Variants in COLGALT2 observed in about 807,000 individuals in gnomAD.
COLGALT2 encodes collagen beta(1-O)galactosyltransferase 2.
Under a neutral mutation model 73.4 loss-of-function variants are expected in COLGALT2, and 49 were observed. The observed-to-expected ratio is 0.67, with a 90% CI of 0.53 to 0.85. The LOEUF is 0.85. COLGALT2 is among the 40% of genes least tolerant of loss of function. The pLI is 0.00. For missense variants in COLGALT2, 722 were observed against 790.2 expected (o/e 0.91, Z 1.03); for synonymous variants, 295 against 307.6 (o/e 0.96, Z 0.43).
rs1472893477 is a variant in COLGALT2 at position 184,037,643 on chromosome 1, T to C, written c.-286A>G. 1 of 1,042,952 alleles carries C rather than the reference T, an allele frequency of 9.6e-7. No individual in the cohort carries two copies. The highest frequency in any genetic ancestry group is 1.2e-6 in the Non-Finnish European group (1 of 868,040). 64.6% of individuals were successfully genotyped at this position (1,042,952 alleles called of 1,614,324 possible). Reference sequence around the variant, plus strand: ...AGACAGTAGTGGCCGAGGGGCTGTGTGCCCTGAGTCCTGAGGAAAGTTCCT... The same window carrying C: ...AGACAGTAGTGGCCGAGGGGCTGTGCGCCCTGAGTCCTGAGGAAAGTTCCT... On this transcript the variant is annotated 5_prime_UTR_variant, in exon 1 of 12. Coordinates refer to ENST00000361927, the MANE Select transcript of COLGALT2 (RefSeq NM_015101.4).
At chr1:183,978,574 G>A (rs1029133292) in intron 1 of COLGALT2, 54 bp from the exon 2 acceptor site, 7 of 1,160,874 alleles carry the variant, frequency 6.0e-6, no homozygotes, top group Admixed American at 5.7e-5. Flanking sequence ...TGAAAGAGAG[G>A]GAAATCCAAA....
At chr1:183,944,725 G>A (rs1670205056) in intron 9 of COLGALT2, among the ~76,000 whole-genome samples, 1 of 152,170 alleles carries the variant, frequency 6.6e-6, no homozygotes, top group Non-Finnish European at 1.5e-5. Flanking sequence ...CCTGCTTCTG[G>A]ATCTGTGTAC....
chr1:183,937,402 CTCTGCATTT>C lies in COLGALT2; in HGVS notation c.*1350_*1358del. 1.0e-6 allele frequency: 1 copy of C among 991,794 alleles called. No homozygotes were observed. The highest frequency in any genetic ancestry group is 1.1e-4 in the East Asian group (1 of 9,200). The allele number at this position is 991,794 out of a possible 1,614,324, so 61.4% of individuals were successfully genotyped here. A position where few individuals can be genotyped will look rare whatever the true frequency, so the allele number is the denominator to read the frequency against. On this transcript the variant is annotated 3_prime_UTR_variant, in exon 12 of 12. Transcript: ENST00000361927. ...AGTGGGAAGAAATCGTGTAGTCCAA[CTCTGCATTT>C]TACATAAAATCAATCTGTGAAGAAA...
intron 6 of COLGALT2, among the ~76,000 whole-genome samples, chr1:183,959,139 G>A (rs776884484): frequency 2.6e-5 from 4 of 152,164 alleles, no homozygotes; most frequent in African/African-American, 4.8e-5. Context: ...TCTTGGCTCC[G>A]TCTTGAAACA....
At chr1:184,005,568 C>T (rs1007331460) in intron 1 of COLGALT2, among the ~76,000 whole-genome samples, 3 of 152,184 alleles carry the variant, frequency 2.0e-5, no homozygotes, top group African/African-American at 7.2e-5. Context: ...CACCTATGCC[C>T]TTCCTGCCTG....
intron 1 of COLGALT2, among the ~76,000 whole-genome samples, chr1:184,015,436 A>G (rs1050120974): frequency 6.6e-6 from 1 of 152,138 alleles, no homozygotes; most frequent in Admixed American, 6.5e-5. Context: ...TTCTTTTGTG[A>G]TGCTGGGCTT....
At chr1:183,975,473 C>G (rs1316521009) in intron 2 of COLGALT2, among the ~76,000 whole-genome samples, 1 of 152,158 alleles carries the variant, frequency 6.6e-6, no homozygotes, top group Non-Finnish European at 1.5e-5. Flanking sequence ...GTGAGTACTG[C>G]TATTCTCTGC....
Position 183,944,158 on chromosome 1 carries a change from C to T in COLGALT2, c.1397+38G>A, listed in dbSNP as rs1470670351. 3 of 1,582,674 alleles carry T rather than the reference C, an allele frequency of 1.9e-6. No individual in the cohort carries two copies. The African/African-American group carries it at 4.1e-5, about 22-fold the overall frequency. On this transcript the variant is annotated intron_variant, in intron 10 of 11. Transcript: ENST00000361927. ...CTGCGCATTGGAAAGGACTGAGTGCCTCTCAGAGCCCTCTCGTAAGATCAT... is the reference window on the plus strand; with the variant it reads ...CTGCGCATTGGAAAGGACTGAGTGCTTCTCAGAGCCCTCTCGTAAGATCAT...
rs114801636 is a variant in COLGALT2, at chr1:183,983,689, T to C, written c.264-5169A>G. Among the ~76,000 whole-genome samples the C allele has an allele frequency of 2.8e-3, 427 of 152,282 alleles. 6 individuals carry two copies. Among genetic ancestry groups the C allele is most frequent in the African/African-American group, 9.9e-3 (413 of 41,556 alleles). On this transcript the variant is annotated intron_variant, in intron 1 of 11. Coordinates refer to ENST00000361927, the MANE Select transcript of COLGALT2 (RefSeq NM_015101.4). ...GCTGAGGTGGATTTTTCCATGAAGC[T>C]AGGAAGCTGAGAACCCAGAATGTGT... is the stretch of plus-strand genomic sequence containing the variant.
intron 6 of COLGALT2, among the ~76,000 whole-genome samples, chr1:183,960,506 T>C (rs912714740): frequency 1.3e-5 from 2 of 152,238 alleles, no homozygotes; most frequent in African/African-American, 4.8e-5. Context: ...TAGTGTTTTT[T>C]TAACATCTGT....
intron 1 of COLGALT2, among the ~76,000 whole-genome samples, chr1:183,985,389 TA>T (rs1402201893): frequency 2.0e-5 from 3 of 152,158 alleles, no homozygotes; most frequent in Non-Finnish European, 4.4e-5. Flanking sequence ...TGCCCTGCCT[TA>T]GCCTTCTAAG....
intron 1 of COLGALT2, among the ~76,000 whole-genome samples, chr1:183,998,979 A>T (rs905287166): frequency 6.6e-6 from 1 of 152,136 alleles, no homozygotes; most frequent in Non-Finnish European, 1.5e-5. Flanking sequence ...GTAGATAATC[A>T]TATCTACATA....
intron 1 of COLGALT2, among the ~76,000 whole-genome samples, chr1:184,012,735 C>G (rs1648852086): frequency 6.6e-6 from 1 of 152,164 alleles, no homozygotes; most frequent in Non-Finnish European, 1.5e-5. Context: ...TGTTTTGATC[C>G]TAACTTTGTA....
chr1:183,954,661 T>G, intron 7 of COLGALT2, 101 bp downstream of exon 7: 1 of 862,364 alleles, frequency 1.2e-6, no homozygotes, highest in East Asian at 2.6e-5. Flanking sequence ...GCCAAGCCAG[T>G]CTTGCTGGCT....
chr1:184,006,992 C>T (rs1558334921), intron 1 of COLGALT2, among the ~76,000 whole-genome samples: 1 of 152,188 alleles, frequency 6.6e-6, no homozygotes, highest in South Asian at 2.1e-4. Context: ...CAACTACTAT[C>T]CCTCAAGATT....
At chr1:183,941,482 C>G (rs1278935589) in intron 10 of COLGALT2, among the ~76,000 whole-genome samples, 1 of 152,206 alleles carries the variant, frequency 6.6e-6, no homozygotes, top group Admixed American at 6.5e-5. Context: ...TTTGGCCACT[C>G]CCATCTTCCC....
chr1:183,957,108 T>A (rs1356540083), intron 6 of COLGALT2, among the ~76,000 whole-genome samples: 1 of 152,094 alleles, frequency 6.6e-6, no homozygotes, highest in African/African-American at 2.4e-5. Flanking sequence ...ATTACAGCCA[T>A]TGTTACAGAG....
chr1:183,954,792 A>G lies in COLGALT2; in HGVS notation c.999T>C (p.Pro333=), dbSNP rs1234908000. Residue 333 remains proline, a synonymous_variant, in exon 7 of 12, where the codon CCT becomes CCC. Transcript: ENST00000361927. ...CAAATCCCATCTTGTCTGGATATTT[A>G]GGGACAACTGAGACATACTGGGAGG... ...MEPSQYVSVV[P]KYPDKMGFDE... 1 of 1,613,358 alleles carries G rather than the reference A, an allele frequency of 6.2e-7. No homozygotes were observed. The highest frequency in any genetic ancestry group is 2.2e-5 in the East Asian group (1 of 44,882).
At chr1:183,959,158 T>G (rs1436499542) in intron 6 of COLGALT2, among the ~76,000 whole-genome samples, 1 of 152,160 alleles carries the variant, frequency 6.6e-6, no homozygotes. Context: ...CACTTCTCAA[T>G]TTTTCCTCCT....
Sources: allele counts gnomAD v4.1 joint callset (sites outside exome capture counted in the v4.1 genomes callset), GRCh38; gene constraint gnomAD v4.1.1; transcripts MANE v1.5; gene names NCBI Gene and HGNC (gene_info 2026-07-23, HGNC 2026-07-21).